The following ARPC2 variants were observed in gnomAD, a reference collection of about 807,000 sequenced individuals.
ARPC2 encodes the protein actin-related protein 2/3 complex subunit 2.
ARPC2 carries 4 observed loss-of-function variants against 38.6 expected under a neutral mutation model. That is an observed-to-expected ratio of 0.10 (90% CI 0.05 to 0.24). ARPC2 has a LOEUF of 0.24. ARPC2 is among the 10% of genes least tolerant of loss of function. The pLI, the probability that ARPC2 is intolerant of heterozygous loss-of-function variation, is 1.00. For missense variants in ARPC2, 229 were observed against 387.3 expected (o/e 0.59, Z 3.43); for synonymous variants, 125 against 140.8 (o/e 0.89, Z 0.79).
chr2:218,253,963 C>G lies in ARPC2; in HGVS notation c.*48C>G. 2 of 1,609,698 alleles carry G rather than the reference C, an allele frequency of 1.2e-6. No homozygotes were observed. Among genetic ancestry groups the G allele is most frequent in the Non-Finnish European group, 1.7e-6 (2 of 1,176,190 alleles). On this transcript the variant is annotated 3_prime_UTR_variant, in exon 11 of 11. Coordinates refer to ENST00000315717, the MANE Select transcript of ARPC2 (RefSeq NM_152862.3). Reference sequence around the variant, plus strand: ...CGGCTGGCAACTGAAGGCTGGAACACTTGCTACTGGATAATCGTAGCTTTT... The same window carrying G: ...CGGCTGGCAACTGAAGGCTGGAACAGTTGCTACTGGATAATCGTAGCTTTT...
rs1690129049 is a variant in ARPC2, at chr2:218,249,505, C to G, written c.777+41C>G. On this transcript the variant is annotated intron_variant, in intron 9 of 10. Transcript: ENST00000315717. ...GCATCTCAGCCTCTATGCTCTGGGTCTTTTCCTCCACCAGAACTCCTGACA... is the reference window on the plus strand; with the variant it reads ...GCATCTCAGCCTCTATGCTCTGGGTGTTTTCCTCCACCAGAACTCCTGACA... 2.8e-6 allele frequency: 4 copies of G among 1,447,466 alleles called. No individual in the cohort carries two copies. The African/African-American group carries it at 5.7e-5, about 21-fold the overall frequency. The allele number at this position is 1,447,466 out of a possible 1,614,324, so 89.7% of individuals were successfully genotyped here. A position where few individuals can be genotyped will look rare whatever the true frequency, so the allele number is the denominator to read the frequency against.
chr2:218,252,087 G>A (rs1170535506), intron 10 of ARPC2, among the ~76,000 whole-genome samples: 1 of 152,150 alleles, frequency 6.6e-6, no homozygotes, highest in Non-Finnish European at 1.5e-5. Context: ...GCTAGGCATG[G>A]TAGTGCATGC....
intron 5 of ARPC2, chr2:218,236,285 C>T (rs1257759654): frequency 6.6e-6 from 1 of 152,116 alleles, no homozygotes; most frequent in Admixed American, 6.6e-5. Flanking sequence ...TCTTATTTGG[C>T]TTCCTAAAAC....
At chr2:218,245,295 T>C (rs971424602) in intron 7 of ARPC2, 125 bp from the exon 8 acceptor site, 57 of 1,255,828 alleles carry the variant, frequency 4.5e-5, no homozygotes, top group African/African-American at 6.0e-5. Context: ...GTGTAGTTTA[T>C]TTTTAACCTC....
chr2:218,225,758 T>A (rs1440118895), intron 2 of ARPC2, among the ~76,000 whole-genome samples, 162 bp from the exon 3 acceptor site: 1 of 152,230 alleles, frequency 6.6e-6, no homozygotes, highest in African/African-American at 2.4e-5. Context: ...GTCCAAAGGT[T>A]CAGGTCCATG....
chr2:218,232,238 CT>C (rs896279833), intron 4 of ARPC2, among the ~76,000 whole-genome samples: 3 of 150,958 alleles, frequency 2.0e-5, no homozygotes, highest in African/African-American at 7.4e-5. Context: ...GAGACTCCGT[CT>C]CAAAAAAAAA....
chr2:218,250,060 A>C, intron 10 of ARPC2, 139 bp downstream of exon 10: 1 of 671,374 alleles, frequency 1.5e-6, no homozygotes, highest in Non-Finnish European at 2.5e-6. Flanking sequence ...AGATAAACCA[A>C]AGGTGGGATT....
At chr2:218,238,354 A>G (rs1689822324) in intron 5 of ARPC2, among the ~76,000 whole-genome samples, 1 of 152,210 alleles carries the variant, frequency 6.6e-6, no homozygotes, top group Non-Finnish European at 1.5e-5. Flanking sequence ...ATTTGTAATT[A>G]GTCATCTTTG....
intron 3 of ARPC2, among the ~76,000 whole-genome samples, chr2:218,227,345 G>T (rs2106146173): frequency 6.6e-6 from 1 of 152,298 alleles, no homozygotes; most frequent in East Asian, 1.9e-4. Flanking sequence ...TGTGGATATT[G>T]TTTGCATCTT....
chr2:218,219,611 A>G (rs550797684), intron 2 of ARPC2, among the ~76,000 whole-genome samples: 5 of 152,254 alleles, frequency 3.3e-5, no homozygotes, highest in African/African-American at 4.8e-5. Flanking sequence ...CGGCCTCCCA[A>G]AGTGCTGGGA....
chr2:218,228,900 T>G (rs1300874713), intron 4 of ARPC2, 50 bp downstream of exon 4: 4 of 1,261,896 alleles, frequency 3.2e-6, no homozygotes. Context: ...CACCTTTCAT[T>G]GGCAGTTTGC....
chr2:218,251,076 T>G lies in ARPC2; in HGVS notation c.878+1155T>G, dbSNP rs574542493. ...GTCTAGAACTCGTGAGCTCAGGCAGTCCACCCACCTCGGCCTCCCATCTGC... is the reference window on the plus strand; with the variant it reads ...GTCTAGAACTCGTGAGCTCAGGCAGGCCACCCACCTCGGCCTCCCATCTGC... On this transcript the variant is annotated intron_variant, in intron 10 of 10. Transcript: ENST00000315717. Among the ~76,000 whole-genome samples the G allele has an allele frequency of 1.5e-3, 235 of 152,102 alleles. 1 individual carries two copies. The South Asian group carries it at 0.047, about 31-fold the overall frequency.
chr2:218,225,080 A>G (rs1194920784), intron 2 of ARPC2, among the ~76,000 whole-genome samples: 2 of 152,154 alleles, frequency 1.3e-5, no homozygotes, highest in Non-Finnish European at 2.9e-5. Flanking sequence ...TTTGCTTCCT[A>G]CTTTGGACTT....
intron 5 of ARPC2, among the ~76,000 whole-genome samples, chr2:218,237,510 C>A (rs1207364536): frequency 6.6e-6 from 1 of 150,598 alleles, no homozygotes; most frequent in African/African-American, 2.4e-5. Context: ...ACCCTACCTG[C>A]CCCCCACCAC....
At chr2:218,239,587 G>T in intron 7 of ARPC2, 103 bp downstream of exon 7, 28 of 850,896 alleles carry the variant, frequency 3.3e-5, no homozygotes, top group South Asian at 5.0e-5. Context: ...CTCTACTGAT[G>T]TTAGAATTTT....
At chr2:218,248,839 C>T (rs1690111447) in intron 8 of ARPC2, among the ~76,000 whole-genome samples, 1 of 152,278 alleles carries the variant, frequency 6.6e-6, no homozygotes, top group South Asian at 2.1e-4. Flanking sequence ...TCCTGCCTGG[C>T]CTATCATGAG....
intron 5 of ARPC2, 92 bp downstream of exon 5, chr2:218,234,489 ATAT>A (rs1410817278): frequency 1.4e-5 from 15 of 1,045,182 alleles, no homozygotes; most frequent in Non-Finnish European, 1.8e-5. Context: ...TTTCGTTTAA[ATAT>A]TATTACAAAT....
At chr2:218,246,126 A>T (rs758461027) in intron 8 of ARPC2, among the ~76,000 whole-genome samples, 9 of 151,718 alleles carry the variant, frequency 5.9e-5, no homozygotes, top group Non-Finnish European at 1.0e-4. Flanking sequence ...CTGAGGCAGG[A>T]GAATTGCTTG....
chr2:218,218,946 A>T (rs767786846), intron 2 of ARPC2, among the ~76,000 whole-genome samples: 4 of 152,166 alleles, frequency 2.6e-5, no homozygotes, highest in Non-Finnish European at 4.4e-5. Flanking sequence ...GTTTCTTTGC[A>T]TTTTAAATAT....
Sources: allele counts gnomAD v4.1 joint callset (sites outside exome capture counted in the v4.1 genomes callset), GRCh38; gene constraint gnomAD v4.1.1; transcripts MANE v1.5; gene names NCBI Gene and HGNC (gene_info 2026-07-23, HGNC 2026-07-21).